PCDHA10: variants seen among roughly 807,000 people sequenced by gnomAD.
The protein encoded by PCDHA10 is protocadherin alpha-10.
Under a neutral mutation model 61.2 loss-of-function variants are expected in PCDHA10, and 45 were observed. The ratio of observed to expected loss-of-function variants is 0.74; its 90% CI spans 0.58 to 0.94. The LOEUF is 0.94. PCDHA10 is among the 40% of genes least tolerant of loss of function. The pLI is 0.00. For missense variants in PCDHA10, 1,278 were observed against 1,236.2 expected, an observed-to-expected ratio of 1.03 and a Z score of -0.51; for synonymous variants, 602 against 548.8, an observed-to-expected ratio of 1.10 and a Z score of -1.35.
chr5:140,871,386 G>A lies in PCDHA10; in HGVS notation c.2388+12950G>A, dbSNP rs782650816. The A allele has an allele frequency of 3.1e-6, 5 of 1,614,058 alleles. No individual in the cohort carries two copies. In the South Asian group the frequency reaches 4.4e-5, roughly 14 times the overall value. ...GGCGGCAGAGGGTGTGCTCTGAGGA[G>A]GGCCCACCTAAGACGGACCTCATGG... On this transcript the variant is annotated intron_variant, in intron 1 of 3. Coordinates refer to ENST00000307360, the MANE Select transcript of PCDHA10 (RefSeq NM_018901.4).
At chr5:141,008,126 G>A (rs2098361949) in intron 3 of PCDHA10, among the ~76,000 whole-genome samples, 1 of 152,178 alleles carries the variant, frequency 6.6e-6, no homozygotes, top group African/African-American at 2.4e-5. Context: ...TCAAGAAGGG[G>A]ATGACAAATG....
chr5:140,928,012 A>G (rs2084863036), intron 1 of PCDHA10: 2 of 1,614,190 alleles, frequency 1.2e-6, no homozygotes, highest in African/African-American at 2.7e-5. Context: ...TTCTAATGGT[A>G]GGGTCATTTG....
At chr5:140,898,366 A>G (rs1401153740) in intron 1 of PCDHA10, among the ~76,000 whole-genome samples, 1 of 152,132 alleles carries the variant, frequency 6.6e-6, no homozygotes, top group Non-Finnish European at 1.5e-5. Flanking sequence ...TAATTTTTGT[A>G]TAAGGTGTAA....
At chr5:140,876,907 G>A (rs782597420) in intron 1 of PCDHA10, 1 of 1,614,022 alleles carries the variant, frequency 6.2e-7, no homozygotes, top group Admixed American at 1.7e-5. Flanking sequence ...CACGGTGTCG[G>A]CATGGGACGC....
In PCDHA10 at chr5:140,876,137, T is replaced by TA. The variant is rs781824852; in HGVS notation, c.2388+17703dup. The TA allele has an allele frequency of 1.3e-5, 21 of 1,613,798 alleles. No individual in the cohort carries two copies. The Middle Eastern group carries it at 4.9e-4, about 38-fold the overall frequency. On this transcript the variant is annotated intron_variant, in intron 1 of 3. Coordinates refer to ENST00000307360, the MANE Select transcript of PCDHA10 (RefSeq NM_018901.4). Reference sequence around the variant, plus strand: ...GTAATCGATGGCGGTAAACCAGAACTAACAGGGTCTGTCCAGATTCAAATA... The same window carrying TA: ...GTAATCGATGGCGGTAAACCAGAACTAAACAGGGTCTGTCCAGATTCAAATA...
At chr5:140,926,713 C>G (rs1018008271) in intron 1 of PCDHA10, 16 of 944,684 alleles carry the variant, frequency 1.7e-5, no homozygotes, top group Non-Finnish European at 2.3e-5. Flanking sequence ...CTGGCCAGCC[C>G]CGGCAATGCC....
intron 1 of PCDHA10, among the ~76,000 whole-genome samples, chr5:140,949,801 C>T (rs964520875): frequency 6.6e-5 from 10 of 151,836 alleles, no homozygotes; most frequent in African/African-American, 2.4e-4. Context: ...TCCTTCAATA[C>T]ATTATTTGCT....
intron 1 of PCDHA10, chr5:140,860,925 G>A (rs2046658234): frequency 6.6e-6 from 1 of 152,286 alleles, no homozygotes; most frequent in Non-Finnish European, 1.5e-5. Context: ...TTTTAGTAGA[G>A]ACGAGGTTTC....
chr5:140,984,056 G>T (rs569184437), intron 3 of PCDHA10, among the ~76,000 whole-genome samples: 1 of 152,200 alleles, frequency 6.6e-6, no homozygotes, highest in Non-Finnish European at 1.5e-5. Context: ...TGACAAATCT[G>T]TACCCTCAGT....
intron 1 of PCDHA10, among the ~76,000 whole-genome samples, chr5:140,896,222 A>G (rs1554186870): frequency 6.6e-6 from 1 of 152,222 alleles, no homozygotes; most frequent in Non-Finnish European, 1.5e-5. Context: ...ATGTGTCTTT[A>G]TAGTAGAATG....
At chr5:140,909,378 C>T (rs544117185) in intron 1 of PCDHA10, among the ~76,000 whole-genome samples, 1 of 152,264 alleles carries the variant, frequency 6.6e-6, no homozygotes, top group Admixed American at 6.5e-5. Context: ...GCAATGAAAC[C>T]ACATCTAGTA....
chr5:140,869,126 G>T, intron 1 of PCDHA10: 2 of 1,611,852 alleles, frequency 1.2e-6, no homozygotes, highest in South Asian at 2.2e-5. Flanking sequence ...CAGAGAAGGG[G>T]ATTGGGCACC....
In PCDHA10 at chr5:140,855,925, C is replaced by G. The variant is rs1161071214; in HGVS notation, c.-124C>G. 3 of 1,240,504 alleles carry G rather than the reference C, an allele frequency of 2.4e-6. No individual in the cohort carries two copies. Among genetic ancestry groups the G allele is most frequent in the Non-Finnish European group, 3.4e-6 (3 of 891,404 alleles). The allele number at this position is 1,240,504 out of a possible 1,614,324, so 76.8% of individuals were successfully genotyped here. A position where few individuals can be genotyped will look rare whatever the true frequency, so the allele number is the denominator to read the frequency against. Reference sequence around the variant, plus strand: ...CAGTTTCTCAAGGACTAGGAAGTAGCGTCATTCTGAGATCTCAGCCATTTC... The same window carrying G: ...CAGTTTCTCAAGGACTAGGAAGTAGGGTCATTCTGAGATCTCAGCCATTTC... On this transcript the variant is annotated 5_prime_UTR_variant, in exon 1 of 4. Coordinates refer to ENST00000307360, the MANE Select transcript of PCDHA10 (RefSeq NM_018901.4).
At chr5:140,971,624 T>C (rs2153790714) in intron 1 of PCDHA10, among the ~76,000 whole-genome samples, 1 of 152,254 alleles carries the variant, frequency 6.6e-6, no homozygotes, top group East Asian at 1.9e-4. Flanking sequence ...TGGGGTACAA[T>C]TAGTACCATG....
intron 1 of PCDHA10, chr5:140,883,523 T>A: frequency 6.2e-7 from 1 of 1,614,226 alleles, no homozygotes; most frequent in Non-Finnish European, 8.5e-7. Flanking sequence ...CGAGAGCGTA[T>A]CAGCCTATGA....
chr5:140,906,761 A>G (rs896512633), intron 1 of PCDHA10, among the ~76,000 whole-genome samples: 2 of 152,204 alleles, frequency 1.3e-5, no homozygotes, highest in Non-Finnish European at 2.9e-5. Flanking sequence ...GGTAATACTA[A>G]GAGACACCCT....
intron 1 of PCDHA10, chr5:140,881,309 G>C (rs535656328): frequency 1.0e-6 from 1 of 975,612 alleles, no homozygotes; most frequent in East Asian, 1.1e-4. Context: ...TTAACCTCCT[G>C]GTTAAATTCT....
At chr5:140,875,476 G>T in intron 1 of PCDHA10, 1 of 1,610,156 alleles carries the variant, frequency 6.2e-7, no homozygotes, top group South Asian at 1.1e-5. Flanking sequence ...TTCTGCAATG[G>T]TGATTATCGG....
At chr5:140,869,084 G>A (rs2050835199) in intron 1 of PCDHA10, 1 of 1,583,106 alleles carries the variant, frequency 6.3e-7, no homozygotes, top group African/African-American at 1.4e-5. Context: ...AGCTTATTTT[G>A]GAAGCCAATT....
Sources: gnomAD v4.1 joint callset for allele counts (sites outside exome capture counted in the v4.1 genomes callset) on GRCh38, gnomAD v4.1.1 for gene constraint, MANE v1.5 for transcripts, NCBI Gene and HGNC (gene_info 2026-07-23, HGNC 2026-07-21) for gene names.